The following SLC4A4 variants were observed in gnomAD, a reference collection of about 807,000 sequenced individuals.
SLC4A4 encodes the protein solute carrier family 4 member 4.
In SLC4A4, 27 loss-of-function variants were observed where a neutral mutation model predicts 111.5. The ratio of observed to expected loss-of-function variants is 0.24; its 90% CI spans 0.18 to 0.33. SLC4A4 has a LOEUF of 0.33. Among genes scored for constraint, SLC4A4 ranks in the 10% least tolerant of loss-of-function variants. The pLI is 1.00. For missense variants in SLC4A4, 909 were observed against 1,315.5 expected (o/e 0.69, Z 4.78); for synonymous variants, 443 against 463.4 (o/e 0.96, Z 0.57).
chr4:71,069,583 C>T (rs1204572231), intron 1 of SLC4A4, among the ~76,000 whole-genome samples: 3 of 152,146 alleles, frequency 2.0e-5, no homozygotes, highest in Non-Finnish European at 4.4e-5. Context: ...TTGCATTTCT[C>T]TCATATATTT....
intron 6 of SLC4A4, among the ~76,000 whole-genome samples, chr4:71,382,199 A>T (rs551579556): frequency 1.3e-5 from 2 of 152,142 alleles, no homozygotes; most frequent in African/African-American, 4.8e-5. Context: ...AAAAAAAATC[A>T]ATGATGTGAT....
chr4:71,127,755 A>G (rs1354447002), intron 2 of SLC4A4, among the ~76,000 whole-genome samples: 1 of 152,246 alleles, frequency 6.6e-6, no homozygotes, highest in Non-Finnish European at 1.5e-5. Context: ...ATGAACATAC[A>G]TATGTACATA....
At chr4:71,264,361 C>T (rs1439264038) in intron 3 of SLC4A4, among the ~76,000 whole-genome samples, 2 of 152,076 alleles carry the variant, frequency 1.3e-5, no homozygotes, top group Non-Finnish European at 1.5e-5. Context: ...TCAACATTAT[C>T]TTTTGTCATT....
chr4:71,242,711 C>T (rs2579360), intron 2 of SLC4A4, among the ~76,000 whole-genome samples: 138,208 of 151,026 alleles, frequency 0.92, 64,010 homozygotes, highest in East Asian at 0.99. Flanking sequence ...CTTTTAATTA[C>T]TTAATTAATT....
chr4:71,436,877 C>G (rs1221332389), intron 7 of SLC4A4: 1 of 195,612 alleles, frequency 5.1e-6, no homozygotes, highest in Non-Finnish European at 1.1e-5. Flanking sequence ...CATTAAAACC[C>G]AGGCTATGTG....
chr4:71,291,044 A>G (rs1026872369), intron 3 of SLC4A4, among the ~76,000 whole-genome samples: 1 of 152,264 alleles, frequency 6.6e-6, no homozygotes, highest in Non-Finnish European at 1.5e-5. Context: ...TCAAAGCTCC[A>G]AATTTAATGA....
intron 2 of SLC4A4, among the ~76,000 whole-genome samples, chr4:71,249,495 T>C (rs901519245): frequency 1.3e-5 from 2 of 152,184 alleles, no homozygotes; most frequent in African/African-American, 4.8e-5. Context: ...TCTCATGAGC[T>C]GGTATTTATA....
chr4:71,483,058 A>G (rs1327920270), intron 14 of SLC4A4, among the ~76,000 whole-genome samples: 1 of 151,696 alleles, frequency 6.6e-6, no homozygotes, highest in Non-Finnish European at 1.5e-5. Context: ...TTAGAACAAC[A>G]TAGTAATATA....
At chr4:71,173,089 C>A (rs1348962038) in intron 2 of SLC4A4, among the ~76,000 whole-genome samples, 9 of 152,162 alleles carry the variant, frequency 5.9e-5, no homozygotes, top group African/African-American at 2.2e-4. Context: ...ATAGGAAGGA[C>A]TGCAGATAGA....
intron 23 of SLC4A4, among the ~76,000 whole-genome samples, chr4:71,561,641 C>T (rs2149254352): frequency 6.6e-6 from 1 of 151,898 alleles, no homozygotes; most frequent in East Asian, 2.0e-4. Flanking sequence ...CATCATCCAT[C>T]TGCAATGAGA....
At position 71,145,336 on chromosome 4, in the gene SLC4A4, G is replaced by A. The variant is rs572235740; in HGVS notation, c.-2+52544G>A. Reference sequence around the variant, plus strand: ...TGGATAAGCTTTTTGATGTGTTGCTGGATTCAGTCTGCCAGTATTTTATTG... The same window carrying A: ...TGGATAAGCTTTTTGATGTGTTGCTAGATTCAGTCTGCCAGTATTTTATTG... On this transcript the variant is annotated intron_variant, in intron 2 of 26. Coordinates refer to the SLC4A4 transcript ENST00000649996. Among the ~76,000 whole-genome samples, 68 of 152,260 alleles carry A rather than the reference G, an allele frequency of 4.5e-4. 1 individual carries two copies. The highest frequency in any genetic ancestry group is 1.6e-3 in the African/African-American group (67 of 41,548).
chr4:71,418,613 T>C (rs1722033643), intron 7 of SLC4A4, among the ~76,000 whole-genome samples: 1 of 152,232 alleles, frequency 6.6e-6, no homozygotes, highest in African/African-American at 2.4e-5. Context: ...TTCTTCTAAA[T>C]CACACCTTTA....
chr4:71,138,233 A>T (rs1277585752), intron 2 of SLC4A4, among the ~76,000 whole-genome samples: 1 of 152,080 alleles, frequency 6.6e-6, no homozygotes, highest in Non-Finnish European at 1.5e-5. Context: ...CAGTGTTATC[A>T]CCTCTATTAA....
chr4:71,290,226 G>A (rs1182455081), intron 3 of SLC4A4, among the ~76,000 whole-genome samples: 2 of 152,192 alleles, frequency 1.3e-5, no homozygotes, highest in African/African-American at 4.8e-5. Context: ...TGTGCAAGGT[G>A]ATAGTTCAGT....
intron 2 of SLC4A4, among the ~76,000 whole-genome samples, chr4:71,101,708 G>T (rs1273634380): frequency 6.6e-6 from 1 of 152,120 alleles, no homozygotes; most frequent in Non-Finnish European, 1.5e-5. Context: ...GCAGCTGAAG[G>T]TCCTGTCTGT....
chr4:71,277,091 C>G (rs1013006864), intron 3 of SLC4A4, among the ~76,000 whole-genome samples: 1 of 152,042 alleles, frequency 6.6e-6, no homozygotes, highest in African/African-American at 2.4e-5. Flanking sequence ...ACAAATAAAG[C>G]TGCTATGAAC....
intron 18 of SLC4A4, among the ~76,000 whole-genome samples, chr4:71,536,244 A>G (rs1220233145): frequency 6.6e-6 from 1 of 151,092 alleles, no homozygotes; most frequent in Non-Finnish European, 1.5e-5. Flanking sequence ...AAATAGTCAC[A>G]GGGGCAGCCT....
chr4:71,250,558 A>T (rs1478539045), intron 2 of SLC4A4, among the ~76,000 whole-genome samples: 2 of 152,180 alleles, frequency 1.3e-5, no homozygotes, highest in African/African-American at 4.8e-5. Flanking sequence ...ATCAGGTTAA[A>T]AAATTATATA....
chr4:71,210,554 T>C (rs1282872578), intron 1 of SLC4A4, among the ~76,000 whole-genome samples: 2 of 152,214 alleles, frequency 1.3e-5, no homozygotes, highest in Admixed American at 6.5e-5. Flanking sequence ...CAAAATAACA[T>C]GTTATTTGTG....
Sources: gnomAD v4.1 joint callset for allele counts (sites outside exome capture counted in the v4.1 genomes callset) on GRCh38, gnomAD v4.1.1 for gene constraint, MANE v1.5 for transcripts, NCBI Gene and HGNC (gene_info 2026-07-23, HGNC 2026-07-21) for gene names.